Variants in EPC2 observed in about 807,000 individuals in gnomAD.
EPC2 encodes the protein enhancer of polycomb homolog 2.
In EPC2, 14 loss-of-function variants were observed where a neutral mutation model predicts 92.1. The observed-to-expected ratio is 0.15, with a 90% CI of 0.10 to 0.24. The LOEUF is 0.24. Ranked by LOEUF, EPC2 falls within the 10% of genes least tolerant of loss-of-function variation. EPC2 has a pLI of 1.00. For synonymous variants in EPC2, 340 were observed against 334.7 expected (o/e 1.02, Z -0.17); for missense variants, 755 against 971.5 (o/e 0.78, Z 2.96).
At chr2:148,656,477 A>G (rs114160319) in intron 1 of EPC2, among the ~76,000 whole-genome samples, 38 of 152,198 alleles carry the variant, frequency 2.5e-4, no homozygotes, top group Admixed American at 6.5e-4. Context: ...CAGAAGAGCA[A>G]CAATAATATA....
chr2:148,688,623 G>C (rs1681578621), intron 1 of EPC2, among the ~76,000 whole-genome samples: 1 of 152,092 alleles, frequency 6.6e-6, no homozygotes, highest in South Asian at 2.1e-4. Flanking sequence ...CCTGAATTGT[G>C]TTTCTGTTTT....
At chr2:148,694,187 A>G (rs888027571) in intron 2 of EPC2, among the ~76,000 whole-genome samples, 2 of 152,354 alleles carry the variant, frequency 1.3e-5, no homozygotes, top group African/African-American at 4.8e-5. Flanking sequence ...TAGTGCATAC[A>G]GTGAAATTGA....
rs182235934 is a variant in EPC2 at position 148,783,038 on chromosome 2, A to G, written c.1858-559A>G. Reference sequence around the variant, plus strand: ...AAAATCTCAGTGACCCTGGAATGCAACACTCCTGTGACATCCAGGTGGATC... The same window carrying G: ...AAAATCTCAGTGACCCTGGAATGCAGCACTCCTGTGACATCCAGGTGGATC... On this transcript the variant is annotated intron_variant, in intron 11 of 13. Coordinates refer to ENST00000258484, the MANE Select transcript of EPC2 (RefSeq NM_015630.4). Among the ~76,000 whole-genome samples the G allele has an allele frequency of 1.4e-3, 208 of 152,298 alleles. 4 individuals are homozygous for G. The highest frequency in any genetic ancestry group is 0.013 in the Admixed American group (199 of 15,302).
chr2:148,702,057 A>G (rs1681899900), intron 2 of EPC2, among the ~76,000 whole-genome samples: 1 of 151,646 alleles, frequency 6.6e-6, no homozygotes, highest in Non-Finnish European at 1.5e-5. Context: ...ATGAGTAGTG[A>G]TGACCACTAT....
chr2:148,689,810 G>T (rs964231249), intron 1 of EPC2, among the ~76,000 whole-genome samples: 1 of 152,108 alleles, frequency 6.6e-6, no homozygotes, highest in African/African-American at 2.4e-5. Flanking sequence ...GTTAAAGTTT[G>T]AAGTAATAAA....
chr2:148,666,640 A>G (rs1284952765), intron 1 of EPC2, among the ~76,000 whole-genome samples: 1 of 152,170 alleles, frequency 6.6e-6, no homozygotes, highest in Non-Finnish European at 1.5e-5. Context: ...GCTTCTAGAG[A>G]ATTGCAGTCT....
At position 148,760,171 on chromosome 2, in the gene EPC2, C is replaced by T. The variant is rs189046998; in HGVS notation, c.667-1611C>T. On this transcript the variant is annotated intron_variant, in intron 4 of 13. Coordinates refer to ENST00000258484, the MANE Select transcript of EPC2 (RefSeq NM_015630.4). ...AGGAGGGAGGCTGAGGCAGGAGAAT[C>T]GCTTGAACCTGGGAGGCAGAGGTTG... 4.2e-3 allele frequency among the ~76,000 whole-genome samples: 637 copies of T among 152,204 alleles called. 13 individuals carry two copies. Among genetic ancestry groups the T allele is most frequent in the Admixed American group, 0.035 (531 of 15,294 alleles).
At position 148,645,001 on chromosome 2, in the gene EPC2, T is replaced by G. The variant is rs1683764065; in HGVS notation, c.-17T>G. On this transcript the variant is annotated 5_prime_UTR_variant, in exon 1 of 14. Transcript: ENST00000258484. The stretch of plus-strand genomic sequence containing the variant: ...CCGCCGCCGCCGCCCGGGCTGTTCC[T>G]GTAAGGCGGGGAGACAATGAGTAAA... 9 of 1,490,926 alleles carry G rather than the reference T, an allele frequency of 6.0e-6. No homozygotes were observed. The East Asian group carries it at 2.5e-4, about 41-fold the overall frequency. 92.4% of individuals were successfully genotyped at this position (1,490,926 alleles called of 1,614,324 possible).
chr2:148,752,173 C>T lies in EPC2; in HGVS notation c.460-1754C>T, dbSNP rs181964549. Among the ~76,000 whole-genome samples, 123 of 152,292 alleles carry T rather than the reference C, an allele frequency of 8.1e-4. 2 individuals carry two copies. Among genetic ancestry groups the T allele is most frequent in the Middle Eastern group, 3.4e-3 (1 of 294 alleles). On this transcript the variant is annotated intron_variant, in intron 3 of 13. Coordinates refer to ENST00000258484, the MANE Select transcript of EPC2 (RefSeq NM_015630.4). ...ATTGGTGGAAAGAGCACTTATCCTT[C>T]TCCCCATTCGGAGGTTAGATTAAGC...
At chr2:148,670,115 T>C (rs1681126332) in intron 1 of EPC2, among the ~76,000 whole-genome samples, 1 of 152,180 alleles carries the variant, frequency 6.6e-6, no homozygotes, top group African/African-American at 2.4e-5. Flanking sequence ...TGAAGTCTAC[T>C]GAGCTTCATG....
chr2:148,707,390 A>T (rs189147354), intron 2 of EPC2, among the ~76,000 whole-genome samples: 89 of 152,298 alleles, frequency 5.8e-4, no homozygotes, highest in Middle Eastern at 3.4e-3. Context: ...CTCCCACACA[A>T]TAATAATGGG....
chr2:148,728,393 C>T (rs1308939585), intron 2 of EPC2, among the ~76,000 whole-genome samples: 6 of 148,482 alleles, frequency 4.0e-5, no homozygotes, highest in Admixed American at 4.0e-4. Context: ...TTTTTTTAAT[C>T]ACTGCATAAT....
chr2:148,723,066 A>G (rs772349593), intron 2 of EPC2, among the ~76,000 whole-genome samples: 4 of 152,140 alleles, frequency 2.6e-5, no homozygotes, highest in East Asian at 3.9e-4. Flanking sequence ...AAAACTATCT[A>G]TTGGGTTCTA....
intron 2 of EPC2, among the ~76,000 whole-genome samples, chr2:148,734,452 G>A (rs1365158649): frequency 6.6e-6 from 1 of 151,744 alleles, no homozygotes; most frequent in Non-Finnish European, 1.5e-5. Context: ...CATGATTTCT[G>A]TATACAACGA....
At chr2:148,706,152 C>A (rs918119239) in intron 2 of EPC2, among the ~76,000 whole-genome samples, 3 of 152,178 alleles carry the variant, frequency 2.0e-5, no homozygotes, top group Admixed American at 2.0e-4. Context: ...TAGAGAAGAC[C>A]TTAAATGACC....
Position 148,693,848 on chromosome 2 carries a change from G to A in EPC2, c.313+3475G>A, listed in dbSNP as rs908960436. ...TTACCTTTAGGAGCCTTTTTCTGAC[G>A]TCTCTCAGCATTGTTCTTGGTACTG... On this transcript the variant is annotated intron_variant, in intron 2 of 13. Transcript: ENST00000258484. Among the ~76,000 whole-genome samples the A allele has an allele frequency of 3.9e-5, 6 of 152,068 alleles. No individual in the cohort carries two copies. In the East Asian group the frequency reaches 7.7e-4, roughly 20 times the overall value.
intron 4 of EPC2, among the ~76,000 whole-genome samples, chr2:148,754,903 TTAAC>T (rs1683156911): frequency 2.0e-5 from 3 of 152,190 alleles, no homozygotes; most frequent in Admixed American, 2.0e-4. Flanking sequence ...TTTCTCATAA[TTAAC>T]AGTTAACACC....
intron 2 of EPC2, among the ~76,000 whole-genome samples, chr2:148,740,366 C>G (rs901119432): frequency 6.6e-6 from 1 of 151,798 alleles, no homozygotes; most frequent in African/African-American, 2.4e-5. Context: ...AGGCAGGCAC[C>G]TGTACCTGGT....
chr2:148,763,576 G>T (rs1683345644), intron 6 of EPC2, among the ~76,000 whole-genome samples: 1 of 152,108 alleles, frequency 6.6e-6, no homozygotes, highest in Non-Finnish European at 1.5e-5. Flanking sequence ...TTTTAAAAAT[G>T]TACACAGTTC....
Sources: allele counts gnomAD v4.1 joint callset (sites outside exome capture counted in the v4.1 genomes callset), GRCh38; gene constraint gnomAD v4.1.1; transcripts MANE v1.5; gene names NCBI Gene and HGNC (gene_info 2026-07-23, HGNC 2026-07-21).